GPC5: variants seen among roughly 807,000 people sequenced by gnomAD.
The protein encoded by GPC5 is glypican 5.
A neutral mutation model predicts 53.9 loss-of-function variants in GPC5; 47 were observed. That is an observed-to-expected ratio of 0.87 (90% confidence interval 0.69 to 1.11). The LOEUF (loss-of-function observed/expected upper bound fraction) is 1.11. GPC5 is among the 50% of genes most tolerant of loss of function. The pLI, the probability that GPC5 is intolerant of heterozygous loss-of-function variation, is 0.00. For synonymous variants in GPC5, 286 were observed against 263.3 expected (o/e 1.09, Z -0.84); for missense variants, 748 against 713.1 (o/e 1.05, Z -0.56).
At chr13:92,858,697 T>C (rs770396477) in intron 7 of GPC5, among the ~76,000 whole-genome samples, 5 of 152,054 alleles carry the variant, frequency 3.3e-5, no homozygotes, top group Non-Finnish European at 5.9e-5. Context: ...AAAGTTCCTA[T>C]TGGGTACAAT....
chr13:92,521,025 A>G (rs1398211118), intron 7 of GPC5, among the ~76,000 whole-genome samples: 1 of 152,226 alleles, frequency 6.6e-6, no homozygotes, highest in Non-Finnish European at 1.5e-5. Context: ...TCCCATTCAC[A>G]ATTGATTCAA....
intron 1 of GPC5, among the ~76,000 whole-genome samples, chr13:91,415,441 A>C (rs1449775707): frequency 6.6e-6 from 1 of 151,688 alleles, no homozygotes; most frequent in Non-Finnish European, 1.5e-5. Flanking sequence ...ACCTTTCACA[A>C]CTCCCAACAA....
intron 7 of GPC5, among the ~76,000 whole-genome samples, chr13:92,777,022 CAAA>C (rs1243297680): frequency 2.6e-3 from 69 of 26,674 alleles, no homozygotes; most frequent in East Asian, 0.014. Flanking sequence ...GACCCTGCCT[CAAA>C]AAAAAAAAAA....
intron 7 of GPC5, among the ~76,000 whole-genome samples, chr13:92,700,642 C>G (rs1887705168): frequency 6.6e-6 from 1 of 151,998 alleles, no homozygotes; most frequent in South Asian, 2.1e-4. Context: ...CTCTTGAAGT[C>G]AAGTCTATGA....
intron 7 of GPC5, among the ~76,000 whole-genome samples, chr13:92,290,331 T>A (rs976520233): frequency 6.6e-6 from 1 of 152,150 alleles, no homozygotes; most frequent in Admixed American, 6.5e-5. Context: ...ACTTATATTT[T>A]TATTTATTTA....
intron 7 of GPC5, among the ~76,000 whole-genome samples, chr13:92,792,075 C>G (rs532360824): frequency 8.5e-5 from 13 of 152,126 alleles, no homozygotes; most frequent in African/African-American, 3.1e-4. Flanking sequence ...ATGGGATACT[C>G]CTAGAGAAGA....
intron 7 of GPC5, among the ~76,000 whole-genome samples, chr13:92,817,497 C>A (rs1246588678): frequency 6.6e-6 from 1 of 151,822 alleles, no homozygotes; most frequent in Non-Finnish European, 1.5e-5. Flanking sequence ...CTGTAAGATG[C>A]CTACTCAACT....
intron 7 of GPC5, among the ~76,000 whole-genome samples, chr13:92,748,303 CATTTT>C (rs1464419661): frequency 4.6e-5 from 6 of 130,910 alleles, no homozygotes; most frequent in African/African-American, 1.7e-4. Flanking sequence ...CTGACATCTG[CATTTT>C]ATTTTATTAT....
intron 2 of GPC5, among the ~76,000 whole-genome samples, chr13:91,450,240 A>G (rs1225794209): frequency 6.6e-6 from 1 of 152,178 alleles, no homozygotes; most frequent in African/African-American, 2.4e-5. Context: ...TTCATGTGAA[A>G]TTGTTGGAGG....
intron 7 of GPC5, among the ~76,000 whole-genome samples, chr13:92,204,777 TC>T (rs1326604811): frequency 6.6e-6 from 1 of 152,204 alleles, no homozygotes; most frequent in Non-Finnish European, 1.5e-5. Context: ...CACATTACCC[TC>T]TGGCAACAAT....
At chr13:92,363,169 TG>T (rs1339335794) in intron 7 of GPC5, among the ~76,000 whole-genome samples, 5 of 151,736 alleles carry the variant, frequency 3.3e-5, no homozygotes, top group Middle Eastern at 3.4e-3. Context: ...GGCTGGGTGT[TG>T]GGGGGACACT....
At chr13:91,510,341 C>T (rs553759817) in intron 2 of GPC5, among the ~76,000 whole-genome samples, 1 of 152,262 alleles carries the variant, frequency 6.6e-6, no homozygotes, top group African/African-American at 2.4e-5. Flanking sequence ...CACATCTACA[C>T]ATATGAAAAC....
intron 2 of GPC5, among the ~76,000 whole-genome samples, chr13:91,518,485 G>C (rs899975855): frequency 6.6e-6 from 1 of 152,164 alleles, no homozygotes. Context: ...ATATTGGACA[G>C]CTGATACTCA....
chr13:92,835,413 G>A (rs556352423), intron 7 of GPC5, among the ~76,000 whole-genome samples: 1 of 151,968 alleles, frequency 6.6e-6, no homozygotes, highest in South Asian at 2.1e-4. Context: ...GATCAGCTTT[G>A]TTTTGTAAAA....
intron 2 of GPC5, among the ~76,000 whole-genome samples, chr13:91,519,262 T>G (rs1885674660): frequency 6.6e-6 from 1 of 152,186 alleles, no homozygotes; most frequent in Non-Finnish European, 1.5e-5. Context: ...AAATAAAAAC[T>G]GAATCATGAC....
intron 3 of GPC5, among the ~76,000 whole-genome samples, chr13:91,716,328 A>G (rs1043396047): frequency 6.6e-6 from 1 of 152,206 alleles, no homozygotes; most frequent in South Asian, 2.1e-4. Context: ...AAAAACAGCC[A>G]ATACCCCACC....
intron 7 of GPC5, among the ~76,000 whole-genome samples, chr13:92,851,978 T>C (rs1333361507): frequency 1.3e-5 from 2 of 149,626 alleles, no homozygotes; most frequent in Non-Finnish European, 1.5e-5. Context: ...GGCTCTGAGA[T>C]ACAATGAGGA....
chr13:91,820,153 T>TA (rs869258748), intron 5 of GPC5, among the ~76,000 whole-genome samples: 13 of 152,078 alleles, frequency 8.5e-5, no homozygotes, highest in African/African-American at 2.7e-4. Context: ...AGTTATTTTT[T>TA]AAAAAAATAT....
intron 1 of GPC5, among the ~76,000 whole-genome samples, chr13:91,410,094 T>A (rs566534589): frequency 6.6e-6 from 1 of 152,346 alleles, no homozygotes; most frequent in South Asian, 2.1e-4. Context: ...TTACTACCTA[T>A]GTGACCTTTA....
Sources: gnomAD v4.1 joint callset for allele counts (sites outside exome capture counted in the v4.1 genomes callset) on GRCh38, gnomAD v4.1.1 for gene constraint, MANE v1.5 for transcripts, NCBI Gene and HGNC (gene_info 2026-07-23, HGNC 2026-07-21) for gene names.